ADAMTS12: variants seen among roughly 807,000 people sequenced by gnomAD.
The protein encoded by ADAMTS12 is A disintegrin and metalloproteinase with thrombospondin motifs 12.
A neutral mutation model predicts 167.8 loss-of-function variants in ADAMTS12; 118 were observed. The ratio of observed to expected loss-of-function variants is 0.70; its 90% CI spans 0.61 to 0.82. The LOEUF is 0.82. Among genes scored for constraint, ADAMTS12 ranks in the 40% least tolerant of loss-of-function variants. ADAMTS12 has a pLI of 0.00. For synonymous variants in ADAMTS12, 704 were observed against 716.9 expected (o/e 0.98, Z 0.29); for missense variants, 1,916 against 1,998.8 (o/e 0.96, Z 0.79).
intron 3 of ADAMTS12, among the ~76,000 whole-genome samples, chr5:33,749,637 T>C (rs907669721): frequency 6.6e-6 from 1 of 152,146 alleles, no homozygotes; most frequent in Non-Finnish European, 1.5e-5. Context: ...AAGGCAAAGA[T>C]TGTATGGCAT....
At chr5:33,810,233 A>C (rs369525748) in intron 2 of ADAMTS12, among the ~76,000 whole-genome samples, 3 of 152,154 alleles carry the variant, frequency 2.0e-5, no homozygotes, top group East Asian at 3.9e-4. Flanking sequence ...TAGGCCTGTA[A>C]AAATAAAAAT....
At chr5:33,808,942 T>C (rs10941091) in intron 2 of ADAMTS12, among the ~76,000 whole-genome samples, 37,044 of 152,160 alleles carry the variant, frequency 0.24, 5,999 homozygotes, top group Non-Finnish European at 0.36. Context: ...AGCACTATGA[T>C]AAACTTCCTG....
intron 22 of ADAMTS12, among the ~76,000 whole-genome samples, chr5:33,537,736 A>G (rs576892386): frequency 6.6e-6 from 1 of 152,344 alleles, no homozygotes; most frequent in African/African-American, 2.4e-5. Flanking sequence ...CTGACTGCCA[A>G]TAGACTGCCA....
chr5:33,649,490 A>G, intron 8 of ADAMTS12, 64 bp downstream of exon 8: 1 of 1,572,426 alleles, frequency 6.4e-7, no homozygotes, highest in Non-Finnish European at 8.7e-7. Flanking sequence ...CTCTGTGTAA[A>G]ACTCAATGCA....
intron 9 of ADAMTS12, among the ~76,000 whole-genome samples, chr5:33,644,896 A>T (rs957502439): frequency 1.3e-5 from 2 of 151,998 alleles, no homozygotes; most frequent in Non-Finnish European, 2.9e-5. Flanking sequence ...ACGCCCGGCT[A>T]ATTTTTTGTA....
intron 22 of ADAMTS12, among the ~76,000 whole-genome samples, chr5:33,545,561 T>C (rs1401769479): frequency 1.3e-5 from 2 of 152,170 alleles, no homozygotes; most frequent in Admixed American, 6.5e-5. Flanking sequence ...CACATGCACA[T>C]GTATGTTTAT....
At chr5:33,790,682 T>C (rs986697826) in intron 2 of ADAMTS12, among the ~76,000 whole-genome samples, 3 of 150,838 alleles carry the variant, frequency 2.0e-5, no homozygotes, top group African/African-American at 7.3e-5. Context: ...AAAGTGTGTG[T>C]GTGTGTACAC....
At chr5:33,842,619 G>T (rs1748785631) in intron 2 of ADAMTS12, among the ~76,000 whole-genome samples, 1 of 152,242 alleles carries the variant, frequency 6.6e-6, no homozygotes, top group African/African-American at 2.4e-5. Context: ...AGGAACTATT[G>T]AGGAAACGCA....
In ADAMTS12 at chr5:33,576,054, C is replaced by T. The variant is rs200551057; in HGVS notation, c.3972G>A (p.Glu1324=). 1.2e-6 allele frequency: 2 copies of T among 1,609,930 alleles called. No individual in the cohort carries two copies. Among genetic ancestry groups the T allele is most frequent in the East Asian group, 4.5e-5 (2 of 44,792 alleles). Residue 1324 remains glutamate (E), a splice_region_variant and synonymous_variant, in exon 19 of 24, where the codon GAG becomes GAA. Coordinates refer to ENST00000504830, the MANE Select transcript of ADAMTS12 (RefSeq NM_030955.4). Reference sequence around the variant, plus strand: ...AGGCCAGGGGTAGGAAATGTCTTACCTCGCTCCAGTTTCCGACGATCCAGT... The same window carrying T: ...AGGCCAGGGGTAGGAAATGTCTTACTTCGCTCCAGTTTCCGACGATCCAGT... ...SAHWIVGNWS[E]CSTTCGLGAY...
chr5:33,872,150 G>A (rs532225273), intron 2 of ADAMTS12, among the ~76,000 whole-genome samples: 1 of 152,316 alleles, frequency 6.6e-6, no homozygotes, highest in African/African-American at 2.4e-5. Context: ...AATTATGTCA[G>A]TTCCCTGAAA....
intron 3 of ADAMTS12, among the ~76,000 whole-genome samples, chr5:33,743,989 AC>A (rs1744695375): frequency 6.6e-6 from 1 of 152,190 alleles, no homozygotes; most frequent in African/African-American, 2.4e-5. Flanking sequence ...CAGGGGTTAA[AC>A]TGGCTCCATA....
intron 3 of ADAMTS12, among the ~76,000 whole-genome samples, chr5:33,689,313 T>C (rs1390793577): frequency 6.6e-6 from 1 of 152,020 alleles, no homozygotes. Flanking sequence ...GCTGGTTTAG[T>C]GTGAATCTTA....
chr5:33,852,903 C>CA (rs995958564), intron 2 of ADAMTS12, among the ~76,000 whole-genome samples: 47 of 151,932 alleles, frequency 3.1e-4, no homozygotes, highest in African/African-American at 9.7e-4. Flanking sequence ...TGGAGACACA[C>CA]AAAAAAAACA....
intron 3 of ADAMTS12, among the ~76,000 whole-genome samples, chr5:33,734,653 G>A (rs896756576): frequency 1.3e-5 from 2 of 152,184 alleles, no homozygotes; most frequent in Non-Finnish European, 1.5e-5. Flanking sequence ...AATAAAGTAT[G>A]AGTACTTATG....
At chr5:33,884,020 A>G (rs1750552094) in intron 1 of ADAMTS12, among the ~76,000 whole-genome samples, 1 of 152,170 alleles carries the variant, frequency 6.6e-6, no homozygotes, top group South Asian at 2.1e-4. Context: ...GGGCTCGAAC[A>G]GTGAAGGGAG....
intron 2 of ADAMTS12, among the ~76,000 whole-genome samples, chr5:33,843,377 C>T (rs1447274350): frequency 6.6e-6 from 1 of 151,636 alleles, no homozygotes; most frequent in Non-Finnish European, 1.5e-5. Context: ...TGCCCCGTGG[C>T]TTGACATGGA....
At chr5:33,886,309 C>G (rs1750634010) in intron 1 of ADAMTS12, among the ~76,000 whole-genome samples, 1 of 152,226 alleles carries the variant, frequency 6.6e-6, no homozygotes, top group Non-Finnish European at 1.5e-5. Flanking sequence ...GTAAGTGTTT[C>G]ATGAGCACTT....
At chr5:33,570,407 A>G (rs1244355044) in intron 19 of ADAMTS12, among the ~76,000 whole-genome samples, 5 of 152,152 alleles carry the variant, frequency 3.3e-5, no homozygotes, top group Non-Finnish European at 5.9e-5. Flanking sequence ...CTCGGCAGAA[A>G]CTCTACAAGC....
chr5:33,575,405 A>T (rs1054024009), intron 19 of ADAMTS12, among the ~76,000 whole-genome samples: 3 of 152,186 alleles, frequency 2.0e-5, no homozygotes, highest in African/African-American at 7.2e-5. Flanking sequence ...GATAATCTAC[A>T]CTTGCCTTAT....
Sources: gnomAD v4.1 joint callset for allele counts (sites outside exome capture counted in the v4.1 genomes callset) on GRCh38, gnomAD v4.1.1 for gene constraint, MANE v1.5 for transcripts, NCBI Gene and HGNC (gene_info 2026-07-23, HGNC 2026-07-21) for gene names.